Variants in HIF1AN observed in about 807,000 individuals in gnomAD.
HIF1AN encodes hypoxia inducible factor 1 subunit alpha inhibitor.
In HIF1AN, 21 loss-of-function variants were observed where a neutral mutation model predicts 47.7. The ratio of observed to expected loss-of-function variants is 0.44; its 90% CI spans 0.31 to 0.63. The LOEUF (loss-of-function observed/expected upper bound fraction) is 0.63, where lower values mean the gene tolerates loss of function less well. Among genes scored for constraint, HIF1AN ranks in the 30% least tolerant of loss-of-function variants. HIF1AN has a pLI of 0.07. For missense variants in HIF1AN, 320 were observed against 432.7 expected, an observed-to-expected ratio of 0.74 and a Z score of 2.31; for synonymous variants, 152 against 155.9, an observed-to-expected ratio of 0.98 and a Z score of 0.18.
chr10:100,536,246 T>C (rs1564660663), intron 1 of HIF1AN, 111 bp downstream of exon 1: 9 of 1,292,480 alleles, frequency 7.0e-6, no homozygotes, highest in Middle Eastern at 2.6e-4. Flanking sequence ...CTAGGGCCTA[T>C]GGGAAGATGG....
At position 100,558,661 on chromosome 10, in the gene HIF1AN, G is replaced by T. The variant is rs1843233887; in HGVS notation, c.*10524G>T. The T allele has an allele frequency of 6.6e-6, 1 of 152,138 alleles. No individual in the cohort carries two copies. Among genetic ancestry groups the T allele is most frequent in the African/African-American group, 2.4e-5 (1 of 41,426 alleles). The allele number at this position is 152,138 out of a possible 1,614,324, so 9.4% of individuals were successfully genotyped here. On this transcript the variant is annotated 3_prime_UTR_variant, in exon 8 of 8. Coordinates refer to ENST00000299163, the MANE Select transcript of HIF1AN (RefSeq NM_017902.3). ...CTGACTGACTGCCTTTTTATGTAAT[G>T]GAGGCCATGTGATAGGGCTTTATGA...
At position 100,556,639 on chromosome 10, in the gene HIF1AN, G is replaced by T. The variant is rs879554696; in HGVS notation, c.*8502G>T. ...CAAAACCCCACCTACAGTCTGCATG[G>T]TCATTGTTCTCACAAGGGTTTGTGT... On this transcript the variant is annotated 3_prime_UTR_variant, in exon 8 of 8. Coordinates refer to ENST00000299163, the MANE Select transcript of HIF1AN (RefSeq NM_017902.3). The T allele has an allele frequency of 6.6e-6, 1 of 152,236 alleles. No homozygotes were observed. Among genetic ancestry groups the T allele is most frequent in the Non-Finnish European group, 1.5e-5 (1 of 68,044 alleles). 9.4% of individuals were successfully genotyped at this position (152,236 alleles called of 1,614,324 possible).
rs865855154 is a variant in HIF1AN at position 100,547,016 on chromosome 10, A to G, written c.895-124A>G. ...CGGCCTCCCAAAGTGCTGGGATTAT[A>G]GGCCTGAGTCACCGTGCCCGGCAAG... On this transcript the variant is annotated intron_variant, in intron 6 of 7. Transcript: ENST00000299163. The G allele has an allele frequency of 1.0e-5, 7 of 691,592 alleles. No homozygotes were observed. In the Middle Eastern group the frequency reaches 1.8e-3, roughly 178 times the overall value. The allele number at this position is 691,592 out of a possible 1,614,324, so 42.8% of individuals were successfully genotyped here.
At position 100,558,155 on chromosome 10, in the gene HIF1AN, G is replaced by A. The variant is rs1843229525; in HGVS notation, c.*10018G>A. 6.6e-6 allele frequency: 1 copy of A among 152,266 alleles called. No individual in the cohort carries two copies. Among genetic ancestry groups the A allele is most frequent in the Non-Finnish European group, 1.5e-5 (1 of 68,100 alleles). The allele number at this position is 152,266 out of a possible 1,614,324, so 9.4% of individuals were successfully genotyped here. On this transcript the variant is annotated 3_prime_UTR_variant, in exon 8 of 8. Coordinates refer to ENST00000299163, the MANE Select transcript of HIF1AN (RefSeq NM_017902.3). The stretch of plus-strand genomic sequence containing the variant: ...GAAAGAAGATGGGTGTTCTAGAGGG[G>A]AAAGCTAAACGATGATAGGCAATGA...
intron 3 of HIF1AN, among the ~76,000 whole-genome samples, chr10:100,544,392 C>T (rs376395192): frequency 7.9e-5 from 12 of 152,144 alleles, no homozygotes; most frequent in Admixed American, 3.3e-4. Flanking sequence ...GCCTGGGCAA[C>T]GTGGTGAAAC....
In HIF1AN at chr10:100,548,546, C is replaced by G. The variant is rs1269875006; in HGVS notation, c.*409C>G. 1.2e-5 allele frequency: 2 copies of G among 164,610 alleles called. No homozygotes were observed. The highest frequency in any genetic ancestry group is 1.8e-4 in the East Asian group (1 of 5,662). 10.2% of individuals were successfully genotyped at this position (164,610 alleles called of 1,614,324 possible). A position where few individuals can be genotyped will look rare whatever the true frequency, so the allele number is the denominator to read the frequency against. ...AGGCTGTCACTTCCGGCTCTCAGCC[C>G]TATCTCCTGCAACCTCAGTGCCTCA... On this transcript the variant is annotated 3_prime_UTR_variant, in exon 8 of 8. Transcript: ENST00000299163.
chr10:100,541,047 T>A (rs1054334146), intron 3 of HIF1AN, among the ~76,000 whole-genome samples: 6 of 152,044 alleles, frequency 3.9e-5, no homozygotes, highest in Admixed American at 3.9e-4. Flanking sequence ...ACCCCGTCTC[T>A]ACTAAAATAC....
intron 3 of HIF1AN, among the ~76,000 whole-genome samples, chr10:100,542,846 G>GTTTTTTTTT (rs397730143): frequency 6.3e-5 from 7 of 111,762 alleles, no homozygotes; most frequent in Non-Finnish European, 8.5e-5. Context: ...ATGTGAATGT[G>GTTTTTTTTT]TTTTTTTTTT....
Position 100,548,469 on chromosome 10 carries a change from T to C in HIF1AN, c.*332T>C. ...GTCTGTCAACTTCGGAATGTGTGCGTGTGTGTGCATGCACACGCATGTATG... is the reference window on the plus strand; with the variant it reads ...GTCTGTCAACTTCGGAATGTGTGCGCGTGTGTGCATGCACACGCATGTATG... On this transcript the variant is annotated 3_prime_UTR_variant, in exon 8 of 8. Coordinates refer to ENST00000299163, the MANE Select transcript of HIF1AN (RefSeq NM_017902.3). The C allele has an allele frequency of 3.6e-6, 1 of 280,958 alleles. No individual in the cohort carries two copies. Among genetic ancestry groups the C allele is most frequent in the Non-Finnish European group, 6.8e-6 (1 of 147,782 alleles). The allele number at this position is 280,958 out of a possible 1,614,324, so 17.4% of individuals were successfully genotyped here. A position where few individuals can be genotyped will look rare whatever the true frequency, so the allele number is the denominator to read the frequency against.
chr10:100,546,711 A>G, intron 6 of HIF1AN, 130 bp downstream of exon 6: 1 of 737,218 alleles, frequency 1.4e-6, no homozygotes, highest in Non-Finnish European at 2.4e-6. Context: ...TGGGGAGATG[A>G]AAGGGACAGG....
rs1843234389 is a variant in HIF1AN at position 100,558,725 on chromosome 10, G to A, written c.*10588G>A. Reference sequence around the variant, plus strand: ...ACTTTCTGGGTCCTTTCACAGTCTAGTCAGTGGCCCAACCAACATATCTGG... The same window carrying A: ...ACTTTCTGGGTCCTTTCACAGTCTAATCAGTGGCCCAACCAACATATCTGG... On this transcript the variant is annotated 3_prime_UTR_variant, in exon 8 of 8. Transcript: ENST00000299163. The A allele has an allele frequency of 6.6e-6, 1 of 152,212 alleles. No homozygotes were observed. Among genetic ancestry groups the A allele is most frequent in the Admixed American group, 6.5e-5 (1 of 15,284 alleles). The allele number at this position is 152,212 out of a possible 1,614,324, so 9.4% of individuals were successfully genotyped here.
chr10:100,542,180 A>T (rs1476829415), intron 3 of HIF1AN, among the ~76,000 whole-genome samples: 1 of 151,768 alleles, frequency 6.6e-6, no homozygotes, highest in Admixed American at 6.6e-5. Context: ...CTGCTCCATC[A>T]TAATCTTATG....
At position 100,542,612 on chromosome 10, in the gene HIF1AN, C is replaced by T. The variant is rs564965693; in HGVS notation, c.577+1830C>T. On this transcript the variant is annotated intron_variant, in intron 3 of 7. Transcript: ENST00000299163. Reference sequence around the variant, plus strand: ...CCTCATGATCCACCTGCCCCGGCCTCCCAAAGTGCTGGGATTACAGGCGTG... The same window carrying T: ...CCTCATGATCCACCTGCCCCGGCCTTCCAAAGTGCTGGGATTACAGGCGTG... Among the ~76,000 whole-genome samples, 4 of 152,254 alleles carry T rather than the reference C, an allele frequency of 2.6e-5. No individual in the cohort carries two copies. The East Asian group carries it at 7.7e-4, about 29-fold the overall frequency.
rs565580496 is a variant in HIF1AN, at chr10:100,551,327, T to A, written c.*3190T>A. 43 of 152,318 alleles carry A rather than the reference T, an allele frequency of 2.8e-4. 1 individual carries two copies. The highest frequency in any genetic ancestry group is 9.9e-4 in the African/African-American group (41 of 41,562). The allele number at this position is 152,318 out of a possible 1,614,324, so 9.4% of individuals were successfully genotyped here. On this transcript the variant is annotated 3_prime_UTR_variant, in exon 8 of 8. Transcript: ENST00000299163. ...AGACACAGGATGAAGGAAAAGAAATTTGACAATTAGGAATGAGCGATCATT... is the reference window on the plus strand; with the variant it reads ...AGACACAGGATGAAGGAAAAGAAATATGACAATTAGGAATGAGCGATCATT...
chr10:100,547,286 T>C (rs756790846), intron 7 of HIF1AN, 36 bp downstream of exon 7: 1 of 1,334,048 alleles, frequency 7.5e-7, no homozygotes, highest in East Asian at 2.3e-5. Flanking sequence ...AGTGGGTGGG[T>C]TGACCAAGGA....
rs996433066 is a variant in HIF1AN at position 100,553,977 on chromosome 10, G to A, written c.*5840G>A. 5.9e-5 allele frequency: 9 copies of A among 152,056 alleles called. No homozygotes were observed. The highest frequency in any genetic ancestry group is 1.9e-4 in the African/African-American group (8 of 41,424). The allele number at this position is 152,056 out of a possible 1,614,324, so 9.4% of individuals were successfully genotyped here. A position where few individuals can be genotyped will look rare whatever the true frequency, so the allele number is the denominator to read the frequency against. ...TCAGTGATCTCTAAACAGATTTCCA[G>A]TGGTTCTTTCTCTCTCAAGAAAAGC... On this transcript the variant is annotated 3_prime_UTR_variant, in exon 8 of 8. Transcript: ENST00000299163.
chr10:100,536,775 C>T, intron 2 of HIF1AN, 114 bp downstream of exon 2: 41 of 1,190,626 alleles, frequency 3.4e-5, no homozygotes, highest in Non-Finnish European at 4.7e-5. Context: ...TCTCCCATCT[C>T]TGGATTCCAG....
At chr10:100,543,289 A>G (rs1843062440) in intron 3 of HIF1AN, among the ~76,000 whole-genome samples, 1 of 152,092 alleles carries the variant, frequency 6.6e-6, no homozygotes, top group Admixed American at 6.6e-5. Context: ...TCCCAGTCTC[A>G]AACGATCCTC....
At position 100,537,343 on chromosome 10, in the gene HIF1AN, GA is replaced by G. The variant is rs200626235; in HGVS notation, c.428+689del. Among the ~76,000 whole-genome samples, 7 of 152,208 alleles carry G rather than the reference GA, an allele frequency of 4.6e-5. No individual in the cohort carries two copies. The East Asian group carries it at 9.6e-4, about 21-fold the overall frequency. On this transcript the variant is annotated intron_variant, in intron 2 of 7. Transcript: ENST00000299163. ...ATGGAGCAACTAAATCAGATTTAAA[GA>G]AAAAAAGTTGCAGGGGGCCAAACAA...
Sources: gnomAD v4.1 joint callset for allele counts (sites outside exome capture counted in the v4.1 genomes callset) on GRCh38, gnomAD v4.1.1 for gene constraint, MANE v1.5 for transcripts, NCBI Gene and HGNC (gene_info 2026-07-23, HGNC 2026-07-21) for gene names.